Variants in NUP37 observed in about 807,000 individuals in gnomAD.
NUP37 encodes nucleoporin 37.
NUP37 carries 33 observed loss-of-function variants against 45.4 expected under a neutral mutation model. The observed-to-expected ratio is 0.73, with a 90% CI of 0.55 to 0.97. The LOEUF (loss-of-function observed/expected upper bound fraction) is 0.97, where lower values mean the gene tolerates loss of function less well. Among genes scored for constraint, NUP37 ranks in the 50% least tolerant of loss-of-function variants. NUP37 has a pLI of 0.00. For synonymous variants in NUP37, 127 were observed against 130.7 expected (o/e 0.97, Z 0.19); for missense variants, 365 against 389.7 (o/e 0.94, Z 0.53).
At chr12:102,078,221 C>T (rs889778732) in intron 6 of NUP37, among the ~76,000 whole-genome samples, 1 of 151,084 alleles carries the variant, frequency 6.6e-6, no homozygotes, top group African/African-American at 2.4e-5. Flanking sequence ...CCTAGCTACT[C>T]GGGAGGCTGA....
intron 5 of NUP37, among the ~76,000 whole-genome samples, chr12:102,093,979 GT>G (rs1333834687): frequency 6.6e-6 from 1 of 152,070 alleles, no homozygotes; most frequent in Non-Finnish European, 1.5e-5. Flanking sequence ...ATCATGTCAA[GT>G]TTTAGAAAAT....
chr12:102,074,253 G>A lies in NUP37; in HGVS notation c.*101C>T. 1.6e-6 allele frequency: 1 copy of A among 626,234 alleles called. No homozygotes were observed. The highest frequency in any genetic ancestry group is 2.7e-6 in the Non-Finnish European group (1 of 363,786). 38.8% of individuals were successfully genotyped at this position (626,234 alleles called of 1,614,324 possible). A position where few individuals can be genotyped will look rare whatever the true frequency, so the allele number is the denominator to read the frequency against. On this transcript the variant is annotated 3_prime_UTR_variant, in exon 10 of 10. Coordinates refer to ENST00000552283, the MANE Select transcript of NUP37 (RefSeq NM_024057.4). ...ACTGAGACATTTTCTAAAGTATACG[G>A]TATATTTGATATAAAAATTCTTCAA... is the stretch of plus-strand genomic sequence containing the variant.
At chr12:102,108,080 A>G (rs192928170) in intron 3 of NUP37, among the ~76,000 whole-genome samples, 4 of 152,324 alleles carry the variant, frequency 2.6e-5, no homozygotes, top group Admixed American at 2.6e-4. Flanking sequence ...TGAAGGATAC[A>G]AAGTACTGGT....
At chr12:102,114,083 A>G (rs1164284317) in intron 2 of NUP37, among the ~76,000 whole-genome samples, 1 of 152,254 alleles carries the variant, frequency 6.6e-6, no homozygotes, top group African/African-American at 2.4e-5. Context: ...ATTTGTGTGT[A>G]TAATAGTTGT....
In NUP37 at chr12:102,116,885, C is replaced by T. The variant is rs1313129603; in HGVS notation, c.156+1478G>A. On this transcript the variant is annotated intron_variant, in intron 2 of 9. Transcript: ENST00000552283. ...GGCATGGTGGCACGTGCCTGTAATT[C>T]GAGCTACTCAGGAGGCTGAGGCAGG... 2.0e-5 allele frequency among the ~76,000 whole-genome samples: 3 copies of T among 152,242 alleles called. No homozygotes were observed. The East Asian group carries it at 5.8e-4, about 30-fold the overall frequency.
chr12:102,076,396 A>G (rs35016757), intron 8 of NUP37, among the ~76,000 whole-genome samples: 18,532 of 152,238 alleles, frequency 0.12, 1,380 homozygotes, highest in Middle Eastern at 0.2. Context: ...TGTTAATTTA[A>G]GTGAAAAGCA....
At chr12:102,117,270 A>G (rs1452095117) in intron 2 of NUP37, among the ~76,000 whole-genome samples, 2 of 151,836 alleles carry the variant, frequency 1.3e-5, no homozygotes, top group African/African-American at 4.8e-5. Context: ...TCTGGCCAAC[A>G]TCATGAAACC....
intron 2 of NUP37, among the ~76,000 whole-genome samples, chr12:102,114,242 T>A (rs1362562987): frequency 1.3e-5 from 2 of 152,242 alleles, no homozygotes; most frequent in African/African-American, 2.4e-5. Flanking sequence ...AGTTTTTGCA[T>A]GTAAATACAC....
chr12:102,115,266 C>G (rs999367473), intron 2 of NUP37, among the ~76,000 whole-genome samples: 1 of 152,172 alleles, frequency 6.6e-6, no homozygotes, highest in African/African-American at 2.4e-5. Context: ...GCAGAGAGAA[C>G]TGTGCTGTCT....
chr12:102,074,529 G>T, intron 9 of NUP37, 62 bp from the exon 10 acceptor site: 2 of 987,466 alleles, frequency 2.0e-6, no homozygotes, highest in South Asian at 3.1e-5. Flanking sequence ...AAATAAAAAT[G>T]ACTTTCAAAA....
intron 5 of NUP37, among the ~76,000 whole-genome samples, chr12:102,095,104 A>C (rs150894851): frequency 1.9e-3 from 294 of 152,204 alleles, no homozygotes; most frequent in Admixed American, 5.9e-3. Flanking sequence ...TTGTTCTTAC[A>C]GAATGGTACT....
In NUP37 at chr12:102,118,437, C is replaced by G. The variant is rs1880547420; in HGVS notation, c.82G>C (p.Glu28Gln). 1 of 1,613,890 alleles carries G rather than the reference C, an allele frequency of 6.2e-7. No homozygotes were observed. The highest frequency in any genetic ancestry group is 8.5e-7 in the Non-Finnish European group (1 of 1,179,858). The change falls in exon 2 of 10, where the codon GAG becomes CAG. Residue 28 changes from glutamate (E) to glutamine (Q), a missense_variant. Transcript: ENST00000552283. ...ATTAGGTTTCCTGAATCCCCATTCT[C>G]AAAGGGATTAAATTCTACCACATGC... ...YVHVVEFNPF[E>Q]NGDSGNLIAY...
chr12:102,105,255 T>C (rs117579760), intron 3 of NUP37, among the ~76,000 whole-genome samples: 3,402 of 152,238 alleles, frequency 0.022, 59 homozygotes, highest in Non-Finnish European at 0.026. Context: ...CCGGGTGCAA[T>C]GGCTCATGCC....
rs1001627952 is a variant in NUP37, at chr12:102,085,036, A to T, written c.540+730T>A. Among the ~76,000 whole-genome samples, 3 of 152,238 alleles carry T rather than the reference A, an allele frequency of 2.0e-5. No homozygotes were observed. In the East Asian group the frequency reaches 5.8e-4, roughly 29 times the overall value. On this transcript the variant is annotated intron_variant, in intron 6 of 9. Transcript: ENST00000552283. ...ACTGTAGCTAAGACAAATTTGCCTT[A>T]TGCGACTAATGTTTTTTGTTCACAC... is the stretch of plus-strand genomic sequence containing the variant.
chr12:102,093,049 A>G (rs1879706254), intron 5 of NUP37, among the ~76,000 whole-genome samples: 1 of 152,154 alleles, frequency 6.6e-6, no homozygotes, highest in Non-Finnish European at 1.5e-5. Context: ...CTTCAGAGCA[A>G]GAATTAAAAG....
intron 5 of NUP37, among the ~76,000 whole-genome samples, chr12:102,087,013 T>C (rs1047004467): frequency 2.0e-5 from 3 of 152,160 alleles, no homozygotes; most frequent in Non-Finnish European, 4.4e-5. Flanking sequence ...CGTGGGAGGA[T>C]TGCTTGAGCA....
In NUP37 at chr12:102,089,806, G is replaced by A. The variant is rs117852620; in HGVS notation, c.450-3950C>T. On this transcript the variant is annotated intron_variant, in intron 5 of 9. Coordinates refer to ENST00000552283, the MANE Select transcript of NUP37 (RefSeq NM_024057.4). The stretch of plus-strand genomic sequence containing the variant: ...TTTGTTTTTTCTTAATGCCTTATAC[G>A]GTCTTCAATTAATTCAGTACACAAC... Among the ~76,000 whole-genome samples the A allele has an allele frequency of 6.6e-3, 999 of 152,212 alleles. 12 individuals carry two copies. The highest frequency in any genetic ancestry group is 0.02 in the African/African-American group (844 of 41,528).
At chr12:102,109,682 G>T (rs1049719576) in intron 3 of NUP37, among the ~76,000 whole-genome samples, 1 of 152,078 alleles carries the variant, frequency 6.6e-6, no homozygotes, top group East Asian at 1.9e-4. Flanking sequence ...AAAAGGTCTT[G>T]AGACAGTTTA....
chr12:102,112,125 T>C lies in NUP37; in HGVS notation c.264A>G (p.Ser88=). The C allele has an allele frequency of 6.2e-7, 1 of 1,613,544 alleles. No individual in the cohort carries two copies. Among genetic ancestry groups the C allele is most frequent in the East Asian group, 2.2e-5 (1 of 44,848 alleles). The change falls in exon 3 of 10, where the codon TCA becomes TCG. Residue 88 remains serine, a synonymous_variant. Transcript: ENST00000552283. ...IAWSPETRLD[S]LPPVIKFCTS... ...AAACTTACTTGATTACTGGAGGCAA[T>C]GAATCAAGTCTAGTCTCTGGGCTCC... is the stretch of plus-strand genomic sequence containing the variant.
Sources: gnomAD v4.1 joint callset for allele counts (sites outside exome capture counted in the v4.1 genomes callset) on GRCh38, gnomAD v4.1.1 for gene constraint, MANE v1.5 for transcripts, NCBI Gene and HGNC (gene_info 2026-07-23, HGNC 2026-07-21) for gene names.